Variants in BRD10 observed in about 807,000 individuals in gnomAD.
The protein encoded by BRD10 is bromodomain containing 10, also known as uncharacterized bromodomain-containing protein 10.
chr9:5,886,178 A>T, the BRD10 span, among the ~76,000 whole-genome samples: 1 of 152,216 alleles, frequency 6.6e-6, no homozygotes, highest in African/African-American at 2.4e-5. Flanking sequence ...AGCCCCAAGC[A>T]GGATGAGTCA....
chr9:5,942,807 T>C, the BRD10 span, among the ~76,000 whole-genome samples: 1 of 152,214 alleles, frequency 6.6e-6, no homozygotes, highest in Non-Finnish European at 1.5e-5. Flanking sequence ...AACTAAACCC[T>C]AGGGTAATCT....
chr9:5,913,097 G>C, the BRD10 span, among the ~76,000 whole-genome samples: 1 of 152,140 alleles, frequency 6.6e-6, no homozygotes, highest in African/African-American at 2.4e-5. Context: ...TTATAGTAAA[G>C]AGCAGGCATA....
At chr9:5,940,399 T>G in the BRD10 span, among the ~76,000 whole-genome samples, 10 of 152,096 alleles carry the variant, frequency 6.6e-5, no homozygotes, top group African/African-American at 7.3e-5. Context: ...TTCACCATGT[T>G]AGCCAGGCTG....
At chr9:5,923,333 TTTG>T in the BRD10 span, 1 of 1,535,918 alleles carries the variant, frequency 6.5e-7, no homozygotes, top group African/African-American at 1.4e-5. Context: ...AAACGGGCAT[TTTG>T]TTTATATAAA....
At chr9:5,946,445 G>T in the BRD10 span, among the ~76,000 whole-genome samples, 2 of 151,966 alleles carry the variant, frequency 1.3e-5, no homozygotes, top group African/African-American at 4.8e-5. Flanking sequence ...GTCAAGCAGT[G>T]GACTGGCCAA....
At chr9:5,939,395 A>C in the BRD10 span, among the ~76,000 whole-genome samples, 1 of 152,232 alleles carries the variant, frequency 6.6e-6, no homozygotes, top group Non-Finnish European at 1.5e-5. Context: ...ATATTTCTAA[A>C]ACTGAATAAA....
At chr9:5,908,888 T>C in the BRD10 span, 1 of 575,734 alleles carries the variant, frequency 1.7e-6, no homozygotes, top group Non-Finnish European at 3.1e-6. Flanking sequence ...TGTGAGGAAA[T>C]GATGAGAAAT....
At chr9:5,939,594 T>G in the BRD10 span, among the ~76,000 whole-genome samples, 1 of 152,212 alleles carries the variant, frequency 6.6e-6, no homozygotes, top group African/African-American at 2.4e-5. Context: ...TATGATGGGA[T>G]CTGGTATTAT....
At chr9:5,991,987 GAC>G in the BRD10 span, among the ~76,000 whole-genome samples, 1 of 151,990 alleles carries the variant, frequency 6.6e-6, no homozygotes, top group East Asian at 1.9e-4. Flanking sequence ...TCTCCTTTAA[GAC>G]ACTCTTCCTC....
the BRD10 span, among the ~76,000 whole-genome samples, chr9:5,933,046 T>C: frequency 6.6e-6 from 1 of 152,184 alleles, no homozygotes; most frequent in Non-Finnish European, 1.5e-5. Context: ...TAAGACTCTT[T>C]CTCTATACTG....
chr9:5,963,963 C>A, the BRD10 span, among the ~76,000 whole-genome samples: 2 of 151,790 alleles, frequency 1.3e-5, no homozygotes, highest in African/African-American at 2.4e-5. Context: ...TAGAAGAAAA[C>A]CTAGGCATGA....
the BRD10 span, chr9:5,891,373 G>T: frequency 3.3e-5 from 5 of 152,200 alleles, no homozygotes; most frequent in Non-Finnish European, 7.3e-5. Context: ...ACAGGGTTCA[G>T]TCCTATATTA....
chr9:5,969,242 C>A, the BRD10 span: 1 of 1,613,868 alleles, frequency 6.2e-7, no homozygotes, highest in Non-Finnish European at 8.5e-7. Flanking sequence ...CAGAAGACAA[C>A]GTTCCAATTC....
the BRD10 span, among the ~76,000 whole-genome samples, chr9:5,963,784 G>A: frequency 2.0e-5 from 3 of 151,984 alleles, no homozygotes; most frequent in African/African-American, 7.2e-5. Context: ...TGACAAACCT[G>A]AGAAAAACAA....
At chr9:5,926,317 T>C in the BRD10 span, among the ~76,000 whole-genome samples, 1 of 152,016 alleles carries the variant, frequency 6.6e-6, no homozygotes, top group East Asian at 1.9e-4. Context: ...AATTTTAACT[T>C]AGTTTTTTGA....
At chr9:5,898,749 T>C in the BRD10 span, among the ~76,000 whole-genome samples, 2 of 152,166 alleles carry the variant, frequency 1.3e-5, no homozygotes, top group African/African-American at 4.8e-5. Context: ...CTTTTCTTCT[T>C]CACCCCTTTC....
chr9:5,952,521 TTTAA>T, the BRD10 span, among the ~76,000 whole-genome samples: 4 of 152,234 alleles, frequency 2.6e-5, no homozygotes, highest in Non-Finnish European at 5.9e-5. Context: ...TCTTTTCTAG[TTTAA>T]TTTTGTTAGC....
chr9:5,992,069 A>T, the BRD10 span, among the ~76,000 whole-genome samples: 1 of 152,168 alleles, frequency 6.6e-6, no homozygotes, highest in Non-Finnish European at 1.5e-5. Context: ...CATCTGAAAG[A>T]CCTTCCCTAA....
At chr9:5,909,696 A>G in the BRD10 span, 5 of 152,262 alleles carry the variant, frequency 3.3e-5, no homozygotes, top group African/African-American at 1.2e-4. Context: ...AAAAGCTACT[A>G]TGTACTGCCT....
Sources: gnomAD v4.1 joint callset for allele counts (sites outside exome capture counted in the v4.1 genomes callset) on GRCh38, gnomAD v4.1.1 for gene constraint, MANE v1.5 for transcripts, NCBI Gene and HGNC (gene_info 2026-07-23, HGNC 2026-07-21) for gene names.